The following MANSC1 variants were observed in gnomAD, a reference collection of about 807,000 sequenced individuals.
MANSC1 encodes MANSC domain-containing protein 1.
In MANSC1, 13 loss-of-function variants were observed where a neutral mutation model predicts 14.1. The ratio of observed to expected loss-of-function variants is 0.92; its 90% CI spans 0.60 to 1.46. The LOEUF (loss-of-function observed/expected upper bound fraction) is 1.46. Ranked by LOEUF, MANSC1 falls within the 40% of genes most tolerant of loss-of-function variation. The pLI, the probability that MANSC1 is intolerant of heterozygous loss-of-function variation, is 0.00. For synonymous variants in MANSC1, 227 were observed against 200.7 expected (o/e 1.13, Z -1.11); for missense variants, 486 against 511.4 (o/e 0.95, Z 0.48).
chr12:12,334,304 G>C (rs2135990072), intron 3 of MANSC1, among the ~76,000 whole-genome samples: 1 of 151,760 alleles, frequency 6.6e-6, no homozygotes, highest in Non-Finnish European at 1.5e-5. Context: ...AAAAAAGAGA[G>C]AGAGAGACAG....
At chr12:12,343,678 T>G (rs892244165) in intron 1 of MANSC1, among the ~76,000 whole-genome samples, 1 of 152,188 alleles carries the variant, frequency 6.6e-6, no homozygotes, top group Admixed American at 6.5e-5. Flanking sequence ...GTATAAACAG[T>G]AGGCCTGCCT....
chr12:12,338,890 A>AACACACACACAC (rs56183211), intron 2 of MANSC1: 2,702 of 192,982 alleles, frequency 0.014, 55 homozygotes, highest in African/African-American at 0.044. Flanking sequence ...CACACACACA[A>AACACACACACAC]ACACACACAC....
chr12:12,332,321 A>G (rs1862800625), intron 3 of MANSC1, among the ~76,000 whole-genome samples: 1 of 151,922 alleles, frequency 6.6e-6, no homozygotes, highest in Non-Finnish European at 1.5e-5. Flanking sequence ...CTACAGACGG[A>G]TCCAGAGGCA....
rs1162903137 is a variant in MANSC1, at chr12:12,326,806, A to T, written c.*3221T>A. 1 of 148,448 alleles carries T rather than the reference A, an allele frequency of 6.7e-6. No individual in the cohort carries two copies. Among genetic ancestry groups the T allele is most frequent in the Non-Finnish European group, 1.5e-5 (1 of 66,940 alleles). The allele number at this position is 148,448 out of a possible 1,614,324, so 9.2% of individuals were successfully genotyped here. A position where few individuals can be genotyped will look rare whatever the true frequency, so the allele number is the denominator to read the frequency against. On this transcript the variant is annotated 3_prime_UTR_variant, in exon 4 of 4. Coordinates refer to ENST00000535902, the MANE Select transcript of MANSC1 (RefSeq NM_018050.4). ...GCCTGGCTAAGAGTAGCTTATTTTT[A>T]TTTTATTTTATTTTATTTTTTTGAG...
Position 12,326,679 on chromosome 12 carries a change from T to C in MANSC1, c.*3348A>G, listed in dbSNP as rs1352177273. Reference sequence around the variant, plus strand: ...TTCTGTCGCCCAGGCTGGAGTGCAGTGGCGTGATCATGGCTCACTGCAGCC... The same window carrying C: ...TTCTGTCGCCCAGGCTGGAGTGCAGCGGCGTGATCATGGCTCACTGCAGCC... On this transcript the variant is annotated 3_prime_UTR_variant, in exon 4 of 4. Coordinates refer to ENST00000535902, the MANE Select transcript of MANSC1 (RefSeq NM_018050.4). 1 of 151,298 alleles carries C rather than the reference T, an allele frequency of 6.6e-6. No homozygotes were observed. The highest frequency in any genetic ancestry group is 2.1e-4 in the South Asian group (1 of 4,788). 9.4% of individuals were successfully genotyped at this position (151,298 alleles called of 1,614,324 possible).
chr12:12,329,438 C>T lies in MANSC1; in HGVS notation c.*589G>A, dbSNP rs560670036. ...GGAACCTAGATGTCCTAACCTGTTT[C>T]TTTGCATAAAAGCCAGTTGAATTTT... On this transcript the variant is annotated 3_prime_UTR_variant, in exon 4 of 4. Coordinates refer to ENST00000535902, the MANE Select transcript of MANSC1 (RefSeq NM_018050.4). 29 of 152,376 alleles carry T rather than the reference C, an allele frequency of 1.9e-4. No individual in the cohort carries two copies. Among genetic ancestry groups the T allele is most frequent in the African/African-American group, 6.5e-4 (27 of 41,588 alleles). 9.4% of individuals were successfully genotyped at this position (152,376 alleles called of 1,614,324 possible). A position where few individuals can be genotyped will look rare whatever the true frequency, so the allele number is the denominator to read the frequency against.
chr12:12,330,324 C>A lies in MANSC1; in HGVS notation c.999G>T (p.Gly333=). The part of the protein sequence containing the change: ...TEISNLTLNT[G]NVYNPTALSM... ...AAAGTGCAGTAGGGTTATACACATT[C>A]CCTGTGTTCAAAGTTAGGTTGGAGA... Residue 333 remains glycine (G), a synonymous_variant, in exon 4 of 4, where the codon GGG becomes GGT. Coordinates refer to ENST00000535902, the MANE Select transcript of MANSC1 (RefSeq NM_018050.4). 6.2e-7 allele frequency: 1 copy of A among 1,614,214 alleles called. No individual in the cohort carries two copies. Among genetic ancestry groups the A allele is most frequent in the Non-Finnish European group, 8.5e-7 (1 of 1,180,042 alleles).
chr12:12,336,914 C>T (rs1862865387), intron 3 of MANSC1, among the ~76,000 whole-genome samples: 2 of 152,064 alleles, frequency 1.3e-5, no homozygotes, highest in Admixed American at 6.5e-5. Flanking sequence ...ATTTATTGAA[C>T]AAATGAACAA....
intron 2 of MANSC1, among the ~76,000 whole-genome samples, chr12:12,342,538 A>T (rs1467469405): frequency 7.3e-6 from 1 of 137,362 alleles, no homozygotes; most frequent in African/African-American, 2.8e-5. Flanking sequence ...TCCCCATCCC[A>T]TTAGAGTTCT....
At position 12,330,712 on chromosome 12, in the gene MANSC1, G is replaced by C. The variant is rs980129440; in HGVS notation, c.611C>G (p.Ser204Cys). The change falls in exon 4 of 4, where the codon TCT becomes TGT. Residue 204 changes from serine (S) to cysteine (C), a missense_variant. Ser to Cys is a moderately radical substitution (Grantham distance 112). Transcript: ENST00000535902. ...ATCAGAGGAAAATTGTGAACTCTGA[G>C]AATGGCCTTTTTCCTTATAAGCAAG... ...QLLAYKEKGH[S>C]QSSQFSSDQE... 34 of 1,614,218 alleles carry C rather than the reference G, an allele frequency of 2.1e-5. No individual in the cohort carries two copies. The highest frequency in any genetic ancestry group is 2.9e-5 in the Non-Finnish European group (34 of 1,180,038).
intron 3 of MANSC1, among the ~76,000 whole-genome samples, chr12:12,337,531 A>G (rs1862874942): frequency 6.6e-6 from 1 of 152,186 alleles, no homozygotes. Context: ...ACTGCACTCC[A>G]TCCTGGGCAA....
chr12:12,349,960 G>T (rs1217678155), intron 1 of MANSC1, 118 bp downstream of exon 1: 5 of 152,402 alleles, frequency 3.3e-5, no homozygotes, highest in African/African-American at 7.2e-5. Flanking sequence ...TGGTCCTTTG[G>T]ATGCTCGGGT....
intron 1 of MANSC1, among the ~76,000 whole-genome samples, chr12:12,347,289 C>T (rs1236554433): frequency 6.6e-6 from 1 of 152,164 alleles, no homozygotes; most frequent in Non-Finnish European, 1.5e-5. Context: ...ATTAGATTCT[C>T]ATAAGGAGTG....
At position 12,343,243 on chromosome 12, in the gene MANSC1, A is replaced by G; in HGVS notation, c.72T>C (p.Ser24=). ...TCTTTTTGAGGCAATTCTGACTAGCAGACAGCCTTAGTGTCAGGAAGCAAA... is the reference window on the plus strand; with the variant it reads ...TCTTTTTGAGGCAATTCTGACTAGCGGACAGCCTTAGTGTCAGGAAGCAAA... ...VIICFLTLRL[S]ASQNCLKKSL... Residue 24 remains serine, a synonymous_variant, in exon 2 of 4, where the codon TCT becomes TCC. Coordinates refer to ENST00000535902, the MANE Select transcript of MANSC1 (RefSeq NM_018050.4). 6.2e-7 allele frequency: 1 copy of G among 1,614,142 alleles called. No homozygotes were observed. The highest frequency in any genetic ancestry group is 8.5e-7 in the Non-Finnish European group (1 of 1,179,964).
Position 12,338,458 on chromosome 12 carries a change from T to A in MANSC1, c.326A>T (p.Lys109Ile), listed in dbSNP as rs1862887021. 3 of 1,609,858 alleles carry A rather than the reference T, an allele frequency of 1.9e-6. No individual in the cohort carries two copies. The highest frequency in any genetic ancestry group is 1.3e-5 in the African/African-American group (1 of 74,628). Reference sequence around the variant, plus strand: ...GTAACTCATAAGTCCTTTTGCTGGTTTCAATGGACAGGCTTCCTCGTTGGG... The same window carrying A: ...GTAACTCATAAGTCCTTTTGCTGGTATCAATGGACAGGCTTCCTCGTTGGG... ...FCPNEEACPLKPAKGLMSYRI... is the reference protein window; with the variant it reads ...FCPNEEACPLIPAKGLMSYRI... Residue 109 changes from lysine (K) to isoleucine (I), a missense_variant, in exon 3 of 4, where the codon AAA becomes ATA. By Grantham distance (102) the Lys-to-Ile change is moderately radical. Coordinates refer to ENST00000535902, the MANE Select transcript of MANSC1 (RefSeq NM_018050.4).
At chr12:12,342,908 C>G (rs185748341) in intron 2 of MANSC1, among the ~76,000 whole-genome samples, 184 bp downstream of exon 2, 110 of 152,216 alleles carry the variant, frequency 7.2e-4, no homozygotes, top group Non-Finnish European at 1.3e-3. Flanking sequence ...TACATACATT[C>G]ATCAATAACT....
At chr12:12,345,521 C>T (rs1289888728) in intron 1 of MANSC1, among the ~76,000 whole-genome samples, 1 of 152,062 alleles carries the variant, frequency 6.6e-6, no homozygotes, top group Non-Finnish European at 1.5e-5. Flanking sequence ...TTCTTTTTGA[C>T]AGCCTTAAAA....
In MANSC1 at chr12:12,338,695, C is replaced by T; in HGVS notation, c.224-135G>A. 3.8e-6 allele frequency: 3 copies of T among 787,214 alleles called. No individual in the cohort carries two copies. In the South Asian group the frequency reaches 5.2e-5, roughly 14 times the overall value. 48.8% of individuals were successfully genotyped at this position (787,214 alleles called of 1,614,324 possible). On this transcript the variant is annotated intron_variant, in intron 2 of 3. Coordinates refer to ENST00000535902, the MANE Select transcript of MANSC1 (RefSeq NM_018050.4). ...ATTTTGTTCACTTGCTTGCTGACCG[C>T]TGAATCATTTCCTTTTCCTTAGCTT...
chr12:12,346,835 C>T (rs1364443219), intron 1 of MANSC1, among the ~76,000 whole-genome samples: 1 of 152,022 alleles, frequency 6.6e-6, no homozygotes, highest in African/African-American at 2.4e-5. Flanking sequence ...AAATACAATA[C>T]CAAAAGCACA....
Sources: gnomAD v4.1 joint callset for allele counts (sites outside exome capture counted in the v4.1 genomes callset) on GRCh38, gnomAD v4.1.1 for gene constraint, MANE v1.5 for transcripts, NCBI Gene and HGNC (gene_info 2026-07-23, HGNC 2026-07-21) for gene names.